Variants in INPP4B observed in about 807,000 individuals in gnomAD.
INPP4B encodes the protein inositol polyphosphate-4-phosphatase type II B.
In INPP4B, 55 loss-of-function variants were observed where a neutral mutation model predicts 122.5. The observed-to-expected ratio is 0.45, with a 90% confidence interval of 0.36 to 0.56. The LOEUF is 0.56. Ranked by LOEUF, INPP4B falls within the 20% of genes least tolerant of loss-of-function variation. INPP4B has a pLI of 0.00. For synonymous variants in INPP4B, 403 were observed against 388.7 expected (o/e 1.04, Z -0.43); for missense variants, 1,000 against 1,097.7 (o/e 0.91, Z 1.26).
intron 7 of INPP4B, among the ~76,000 whole-genome samples, chr4:142,379,109 T>G (rs575159232): frequency 2.4e-4 from 36 of 152,210 alleles, no homozygotes; most frequent in African/African-American, 7.5e-4. Context: ...AAACCCAAAA[T>G]GGCAATTTTT....
At chr4:142,321,863 G>A (rs1329994814) in intron 7 of INPP4B, among the ~76,000 whole-genome samples, 2 of 151,816 alleles carry the variant, frequency 1.3e-5, no homozygotes, top group Non-Finnish European at 2.9e-5. Context: ...TTTGAAGTTG[G>A]GTAATGTAAT....
intron 2 of INPP4B, among the ~76,000 whole-genome samples, chr4:142,581,557 CTATT>C (rs1735089314): frequency 5.3e-5 from 1 of 18,992 alleles, no homozygotes; most frequent in Non-Finnish European, 1.3e-4. Flanking sequence ...CCATTTCTAT[CTATT>C]AGAAATAGAT....
chr4:142,079,055 G>A (rs946728125), intron 25 of INPP4B, among the ~76,000 whole-genome samples: 3 of 151,928 alleles, frequency 2.0e-5, no homozygotes, highest in Admixed American at 1.3e-4. Flanking sequence ...TCCATGTGAG[G>A]TCTAAACATA....
At chr4:142,256,372 A>G (rs372893015) in intron 11 of INPP4B, among the ~76,000 whole-genome samples, 2 of 151,906 alleles carry the variant, frequency 1.3e-5, no homozygotes, top group Admixed American at 6.6e-5. Flanking sequence ...AACTGAAGGA[A>G]ATAGAGACAC....
chr4:142,561,613 G>A (rs914885787), intron 2 of INPP4B, among the ~76,000 whole-genome samples: 1 of 152,032 alleles, frequency 6.6e-6, no homozygotes, highest in African/African-American at 2.4e-5. Context: ...TAGAGACGGG[G>A]TTTCACCATA....
chr4:142,213,905 G>A (rs775691910), intron 12 of INPP4B, among the ~76,000 whole-genome samples: 4 of 152,060 alleles, frequency 2.6e-5, no homozygotes, highest in South Asian at 4.1e-4. Flanking sequence ...GGGAACTCTC[G>A]AGGGTGCGAG....
intron 2 of INPP4B, among the ~76,000 whole-genome samples, chr4:142,625,615 A>C (rs1392346676): frequency 1.3e-5 from 2 of 152,078 alleles, no homozygotes; most frequent in Non-Finnish European, 2.9e-5. Flanking sequence ...CTTTCTTCAC[A>C]GAATTGGAAA....
At chr4:142,339,994 T>A (rs1226418641) in intron 7 of INPP4B, among the ~76,000 whole-genome samples, 2 of 151,990 alleles carry the variant, frequency 1.3e-5, no homozygotes, top group Non-Finnish European at 2.9e-5. Context: ...AAAGAAAGAT[T>A]TTTTTTTATT....
At chr4:142,149,825 C>A (rs1461978445) in intron 17 of INPP4B, among the ~76,000 whole-genome samples, 1 of 152,144 alleles carries the variant, frequency 6.6e-6, no homozygotes, top group Admixed American at 6.5e-5. Flanking sequence ...AAGTGACCTG[C>A]ATTAATAAAG....
chr4:142,587,531 C>G (rs933895029), intron 2 of INPP4B, among the ~76,000 whole-genome samples: 4 of 151,874 alleles, frequency 2.6e-5, no homozygotes, highest in African/African-American at 9.7e-5. Context: ...GATACCAATT[C>G]TTTTTTAAGA....
intron 25 of INPP4B, among the ~76,000 whole-genome samples, chr4:142,046,824 A>G (rs1751742974): frequency 6.6e-6 from 1 of 152,090 alleles, no homozygotes; most frequent in South Asian, 2.1e-4. Flanking sequence ...GTCCCAGTGA[A>G]AAGTCATAAA....
chr4:142,055,166 C>T (rs2645796), intron 25 of INPP4B, among the ~76,000 whole-genome samples: 142,430 of 152,156 alleles, frequency 0.94, 67,402 homozygotes, highest in East Asian at 1. Flanking sequence ...TGGAACTGAT[C>T]GGCATGGAGA....
At chr4:142,540,463 A>G (rs1463586274) in intron 2 of INPP4B, among the ~76,000 whole-genome samples, 1 of 152,036 alleles carries the variant, frequency 6.6e-6, no homozygotes, top group East Asian at 1.9e-4. Context: ...CTGAGTTAAA[A>G]TATCTAGCAA....
chr4:142,524,106 C>T (rs1329744003), intron 2 of INPP4B, among the ~76,000 whole-genome samples: 6 of 151,464 alleles, frequency 4.0e-5, no homozygotes, highest in Non-Finnish European at 7.4e-5. Flanking sequence ...TGAATAGTGC[C>T]GCAATAAACA....
At chr4:142,313,132 A>G (rs1471235198) in intron 8 of INPP4B, among the ~76,000 whole-genome samples, 1 of 152,136 alleles carries the variant, frequency 6.6e-6, no homozygotes, top group African/African-American at 2.4e-5. Context: ...AAAATCAGAA[A>G]AGAGACTCAA....
chr4:142,462,627 T>C (rs1270668035), intron 3 of INPP4B, 36 bp downstream of exon 3: 5 of 152,210 alleles, frequency 3.3e-5, no homozygotes, highest in African/African-American at 1.2e-4. Flanking sequence ...ATGAATACAA[T>C]GTGTTGATGT....
intron 14 of INPP4B, among the ~76,000 whole-genome samples, chr4:142,199,697 T>A (rs1004534487): frequency 6.6e-6 from 1 of 152,050 alleles, no homozygotes; most frequent in Non-Finnish European, 1.5e-5. Flanking sequence ...AGAGTACTTA[T>A]CAGTTACTTT....
At chr4:142,738,445 A>T (rs894576439) in intron 1 of INPP4B, among the ~76,000 whole-genome samples, 2 of 151,992 alleles carry the variant, frequency 1.3e-5, no homozygotes, top group Non-Finnish European at 2.9e-5. Context: ...AACATCACAC[A>T]CTGGGGCCTG....
chr4:142,225,224 G>A (rs1483013771), intron 12 of INPP4B, among the ~76,000 whole-genome samples: 1 of 152,094 alleles, frequency 6.6e-6, no homozygotes. Context: ...TCCTGCTCTC[G>A]AACATCAGAC....
Sources: gnomAD v4.1 joint callset for allele counts (sites outside exome capture counted in the v4.1 genomes callset) on GRCh38, gnomAD v4.1.1 for gene constraint, MANE v1.5 for transcripts, NCBI Gene and HGNC (gene_info 2026-07-23, HGNC 2026-07-21) for gene names.